BBS5: variants seen among roughly 807,000 people sequenced by gnomAD.
BBS5 encodes BBSome complex member BBS5.
BBS5 carries 39 observed loss-of-function variants against 50.2 expected under a neutral mutation model. The ratio of observed to expected loss-of-function variants is 0.78; its 90% CI spans 0.60 to 1.01. The LOEUF is 1.01. Ranked by LOEUF, BBS5 falls within the 50% of genes least tolerant of loss-of-function variation. BBS5 has a pLI of 0.00. For synonymous variants in BBS5, 134 were observed against 133.1 expected (o/e 1.01, Z -0.05); for missense variants, 356 against 401.5 (o/e 0.89, Z 0.97).
chr2:169,487,710 ACTGT>A, intron 3 of BBS5, 92 bp from the exon 4 acceptor site: 1 of 784,196 alleles, frequency 1.3e-6, no homozygotes, highest in Non-Finnish European at 2.1e-6. Context: ...AATTTTTTAA[ACTGT>A]TAAAAGTTCT....
At chr2:169,480,899 A>G (rs556466126) in intron 1 of BBS5, among the ~76,000 whole-genome samples, 133 of 152,110 alleles carry the variant, frequency 8.7e-4, no homozygotes, top group African/African-American at 3.0e-3. Flanking sequence ...GCTGGTCTCG[A>G]ACTCCTGACC....
rs1434394851 is a variant in BBS5 at position 169,490,509 on chromosome 2, C to A, written c.387-2365C>A. On this transcript the variant is annotated intron_variant, in intron 5 of 11. Transcript: ENST00000295240. Reference sequence around the variant, plus strand: ...GGGATTACAGGCGTGAGCCACCGCACCCAGCAGGAAGCTAAATTTCTTAAT... The same window carrying A: ...GGGATTACAGGCGTGAGCCACCGCAACCAGCAGGAAGCTAAATTTCTTAAT... Among the ~76,000 whole-genome samples, 3 of 152,126 alleles carry A rather than the reference C, an allele frequency of 2.0e-5. No homozygotes were observed. The East Asian group carries it at 5.8e-4, about 29-fold the overall frequency.
At position 169,503,841 on chromosome 2, in the gene BBS5, TA is replaced by T. The variant is rs1683851784; in HGVS notation, c.901-461del. On this transcript the variant is annotated intron_variant, in intron 10 of 11. Transcript: ENST00000295240. ...ATACTTTGAAACAAAGGTGTGAAAT[TA>T]GTATAAAATAATTATAAACTACTAC... Among the ~76,000 whole-genome samples the T allele has an allele frequency of 3.3e-5, 5 of 152,346 alleles. No homozygotes were observed. The South Asian group carries it at 1.0e-3, about 32-fold the overall frequency.
chr2:169,497,185 T>A (rs1683708563), intron 7 of BBS5, among the ~76,000 whole-genome samples: 1 of 152,138 alleles, frequency 6.6e-6, no homozygotes, highest in Non-Finnish European at 1.5e-5. Flanking sequence ...CTGGGCATGG[T>A]GACACATGCC....
chr2:169,493,034 C>A (rs1683628906), intron 6 of BBS5, 25 bp downstream of exon 6: 2 of 1,612,252 alleles, frequency 1.2e-6, no homozygotes, highest in African/African-American at 2.7e-5. Context: ...GCTAGTGAAC[C>A]TTTTGGGACA....
At position 169,503,171 on chromosome 2, in the gene BBS5, C is replaced by T; in HGVS notation, c.893C>T (p.Ala298Val). The T allele has an allele frequency of 6.2e-7, 1 of 1,611,472 alleles. No individual in the cohort carries two copies. The highest frequency in any genetic ancestry group is 8.5e-7 in the Non-Finnish European group (1 of 1,177,720). Residue 298 changes from alanine (A) to valine (V), a missense_variant, in exon 10 of 12, where the codon GCT (alanine) becomes GTT (valine). Physicochemically the swap from Ala to Val is moderately conservative, Grantham distance 64 (BLOSUM62 0). Coordinates refer to ENST00000295240, the MANE Select transcript of BBS5 (RefSeq NM_152384.3). The part of the protein sequence containing the change: ...VEIDSDGHTD[A>V]FVAYFADGNK... ...ATAGACTCTGATGGTCACACGGATG[C>T]TTTTGTGGTGAGCATCACAAAGGAC...
At chr2:169,484,804 T>C (rs1683461716) in intron 2 of BBS5, among the ~76,000 whole-genome samples, 1 of 152,140 alleles carries the variant, frequency 6.6e-6, no homozygotes, top group Non-Finnish European at 1.5e-5. Context: ...TTGTAAAGAA[T>C]TAAAATATTA....
chr2:169,504,939 A>C lies in BBS5; in HGVS notation c.*357A>C. ...GTTGCGGCCCAGTGGGTGGAGGTCC[A>C]AAGAGGACTGGTGATCTACGTGTGC... On this transcript the variant is annotated 3_prime_UTR_variant, in exon 12 of 12. Coordinates refer to ENST00000295240, the MANE Select transcript of BBS5 (RefSeq NM_152384.3). 6.2e-7 allele frequency: 1 copy of C among 1,613,794 alleles called. No individual in the cohort carries two copies. Among genetic ancestry groups the C allele is most frequent in the African/African-American group, 1.3e-5 (1 of 75,032 alleles).
At chr2:169,501,766 A>G (rs897202410) in intron 9 of BBS5, among the ~76,000 whole-genome samples, 2 of 152,146 alleles carry the variant, frequency 1.3e-5, no homozygotes, top group Admixed American at 1.3e-4. Flanking sequence ...AATAAAAGAG[A>G]AAAACAGACA....
intron 7 of BBS5, among the ~76,000 whole-genome samples, chr2:169,495,422 T>TA (rs1454155254): frequency 6.6e-6 from 1 of 152,222 alleles, no homozygotes; most frequent in Non-Finnish European, 1.5e-5. Flanking sequence ...AGTTGTCAAA[T>TA]ATGGCGTCTG....
intron 8 of BBS5, among the ~76,000 whole-genome samples, chr2:169,498,433 TC>T (rs895138065): frequency 2.0e-5 from 3 of 152,200 alleles, no homozygotes; most frequent in African/African-American, 7.2e-5. Flanking sequence ...TTTACTCTGT[TC>T]CAAGAACTAT....
intron 7 of BBS5, among the ~76,000 whole-genome samples, chr2:169,495,290 CT>C (rs1683673411): frequency 1.3e-5 from 2 of 152,302 alleles, no homozygotes; most frequent in East Asian, 1.9e-4. Flanking sequence ...ATTGCTATTG[CT>C]TTTTTATATT....
intron 1 of BBS5, among the ~76,000 whole-genome samples, chr2:169,480,778 T>C (rs1388216324): frequency 7.1e-6 from 1 of 140,658 alleles, no homozygotes; most frequent in Non-Finnish European, 1.5e-5. Context: ...GCCTCCCAGG[T>C]TCAAGCAATT....
rs577988186 is a variant in BBS5, at chr2:169,484,912, T to TAGA, written c.143-2156_143-2154dup. On this transcript the variant is annotated intron_variant, in intron 2 of 11. Coordinates refer to ENST00000295240, the MANE Select transcript of BBS5 (RefSeq NM_152384.3). ...AACTATACTTTGGTATTAGGCAGGG[T>TAGA]AGAGAGGAAAGTCCATGTCTGGAAC... Among the ~76,000 whole-genome samples the TAGA allele has an allele frequency of 9.2e-5, 14 of 152,214 alleles. No individual in the cohort carries two copies. In the East Asian group the frequency reaches 2.7e-3, roughly 29 times the overall value.
At position 169,504,811 on chromosome 2, in the gene BBS5, G is replaced by A. The variant is rs1004746172; in HGVS notation, c.*229G>A. On this transcript the variant is annotated 3_prime_UTR_variant, in exon 12 of 12. Transcript: ENST00000295240. Reference sequence around the variant, plus strand: ...GGCCTAGTAACCGTCCGGCCGCGGCGCTGGCTTAAGCCATGGCTGAGGGTA... The same window carrying A: ...GGCCTAGTAACCGTCCGGCCGCGGCACTGGCTTAAGCCATGGCTGAGGGTA... 9 of 1,574,202 alleles carry A rather than the reference G, an allele frequency of 5.7e-6. No individual in the cohort carries two copies. The East Asian group carries it at 9.2e-5, about 16-fold the overall frequency.
chr2:169,493,234 A>T, intron 6 of BBS5: 1 of 566,270 alleles, frequency 1.8e-6, no homozygotes, highest in South Asian at 2.0e-5. Context: ...TAATGAATAA[A>T]AAATTTGCGG....
intron 8 of BBS5, among the ~76,000 whole-genome samples, chr2:169,498,823 A>G (rs1397149086): frequency 2.0e-5 from 3 of 151,194 alleles, no homozygotes; most frequent in Non-Finnish European, 4.4e-5. Flanking sequence ...AAAAAAAAAA[A>G]AGAAAGGAAG....
At chr2:169,493,907 C>T in intron 7 of BBS5, 71 bp downstream of exon 7, 2 of 999,842 alleles carry the variant, frequency 2.0e-6, no homozygotes. Flanking sequence ...GTTAATTGGA[C>T]TTTTAGATGA....
At chr2:169,499,732 A>G in intron 9 of BBS5, 112 bp downstream of exon 9, 2 of 1,136,926 alleles carry the variant, frequency 1.8e-6, no homozygotes, top group Non-Finnish European at 2.6e-6. Context: ...TAAAATGGTG[A>G]ATATACAGAT....
Sources: allele counts gnomAD v4.1 joint callset (sites outside exome capture counted in the v4.1 genomes callset), GRCh38; gene constraint gnomAD v4.1.1; transcripts MANE v1.5; gene names NCBI Gene and HGNC (gene_info 2026-07-23, HGNC 2026-07-21).